The following ZBTB25 variants were observed in gnomAD, a reference collection of about 807,000 sequenced individuals.
ZBTB25 encodes the protein zinc finger and BTB domain containing 25, also known as zinc finger and BTB domain-containing protein 25.
In ZBTB25, 20 loss-of-function variants were observed where a neutral mutation model predicts 34.2. That is an observed-to-expected ratio of 0.58 (90% CI 0.41 to 0.85). The LOEUF (loss-of-function observed/expected upper bound fraction) is 0.85, where lower values mean the gene tolerates loss of function less well. Ranked by LOEUF, ZBTB25 falls within the 40% of genes least tolerant of loss-of-function variation. The pLI is 0.00. For synonymous variants in ZBTB25, 175 were observed against 186.4 expected (o/e 0.94, Z 0.50); for missense variants, 437 against 521.8 (o/e 0.84, Z 1.58).
intron 1 of ZBTB25, among the ~76,000 whole-genome samples, chr14:64,499,740 C>A (rs1311556762): frequency 2.0e-5 from 3 of 152,102 alleles, no homozygotes; most frequent in African/African-American, 7.2e-5. Context: ...TTTCATAACA[C>A]CTAAAAATGA....
At chr14:64,470,552 T>C (rs2078659018) in intron 2 of ZBTB25, 1 of 150,088 alleles carries the variant, frequency 6.7e-6, no homozygotes, top group Non-Finnish European at 1.5e-5. Flanking sequence ...ATTGCACCAC[T>C]GCACTCCAGT....
chr14:64,502,939 G>A (rs752466757), intron 1 of ZBTB25: 3 of 985,488 alleles, frequency 3.0e-6, no homozygotes, highest in African/African-American at 3.5e-5. Context: ...GCTCTGCCAG[G>A]ACTTGAGTCT....
Position 64,485,860 on chromosome 14 carries a change from A to G in ZBTB25, c.*1063T>C. 2.0e-6 allele frequency: 2 copies of G among 985,298 alleles called. No homozygotes were observed. The highest frequency in any genetic ancestry group is 2.4e-6 in the Non-Finnish European group (2 of 829,900). The allele number at this position is 985,298 out of a possible 1,614,324, so 61.0% of individuals were successfully genotyped here. Reference sequence around the variant, plus strand: ...TACTTTTTAAGGTGTCTAAGAAAACACTCTAGACCAAGTTAACAACCCTGG... The same window carrying G: ...TACTTTTTAAGGTGTCTAAGAAAACGCTCTAGACCAAGTTAACAACCCTGG... On this transcript the variant is annotated 3_prime_UTR_variant, in exon 3 of 3. Coordinates refer to ENST00000608382, the MANE Select transcript of ZBTB25 (RefSeq NM_006977.5).
chr14:64,502,992 G>A lies in ZBTB25; in HGVS notation c.-8+669C>T, dbSNP rs1029747583. ...AATTTAATCCCTTGGGGTGATGCGG[G>A]CGCTAACTGTTGAAACATGCTAGGT... On this transcript the variant is annotated intron_variant, in intron 1 of 2. Coordinates refer to ENST00000608382, the MANE Select transcript of ZBTB25 (RefSeq NM_006977.5). 9 of 985,308 alleles carry A rather than the reference G, an allele frequency of 9.1e-6. No individual in the cohort carries two copies. In the South Asian group the frequency reaches 1.4e-4, roughly 15 times the overall value. 61.0% of individuals were successfully genotyped at this position (985,308 alleles called of 1,614,324 possible).
At chr14:64,453,889 A>G (rs1330977860) in intron 2 of ZBTB25, 1 of 1,390,784 alleles carries the variant, frequency 7.2e-7, no homozygotes, top group East Asian at 2.3e-5. Flanking sequence ...TTGTCCTTTC[A>G]ACTCTTTGCA....
At chr14:64,498,944 T>A (rs920490853) in intron 1 of ZBTB25, among the ~76,000 whole-genome samples, 1 of 152,212 alleles carries the variant, frequency 6.6e-6, no homozygotes, top group Non-Finnish European at 1.5e-5. Context: ...CAGATTCTTT[T>A]TTTAAAAAGC....
chr14:64,487,602 G>A lies in ZBTB25; in HGVS notation c.629C>T (p.Pro210Leu). 1 of 1,606,572 alleles carries A rather than the reference G, an allele frequency of 6.2e-7. No homozygotes were observed. The change falls in exon 3 of 3, where the codon CCA becomes CTA. Residue 210 changes from proline (P) to leucine (L), a missense_variant. Physicochemically the swap from Pro to Leu is moderately conservative, Grantham distance 98 (BLOSUM62 -3). Transcript: ENST00000608382. ...GTGGCTCTGGGAGATCACAGATTCT[G>A]GGTCACATCTCTCCTGCTTGATGGA... is the stretch of plus-strand genomic sequence containing the variant. ...PVSIKQERCDPESVISQSHPS... is the reference protein window; with the variant it reads ...PVSIKQERCDLESVISQSHPS...
chr14:64,453,207 C>T (rs949127236), intron 2 of ZBTB25, among the ~76,000 whole-genome samples: 1 of 151,900 alleles, frequency 6.6e-6, no homozygotes, highest in Non-Finnish European at 1.5e-5. Flanking sequence ...TGTATATCTG[C>T]ATATATAGAT....
intron 1 of ZBTB25, among the ~76,000 whole-genome samples, chr14:64,501,159 C>G (rs1237598525): frequency 6.6e-6 from 1 of 152,200 alleles, no homozygotes; most frequent in Non-Finnish European, 1.5e-5. Context: ...TATCCCTAAG[C>G]AGGTTCAAGT....
At position 64,485,511 on chromosome 14, in the gene ZBTB25, C is replaced by G; in HGVS notation, c.*1412G>C. On this transcript the variant is annotated 3_prime_UTR_variant, in exon 3 of 3. Coordinates refer to ENST00000608382, the MANE Select transcript of ZBTB25 (RefSeq NM_006977.5). Reference sequence around the variant, plus strand: ...GAGCCGGGGAATCTGTTATTTCTTTCATCAACTTTAATTTTCCTGGGGTTT... The same window carrying G: ...GAGCCGGGGAATCTGTTATTTCTTTGATCAACTTTAATTTTCCTGGGGTTT... 1.0e-6 allele frequency: 1 copy of G among 985,328 alleles called. No homozygotes were observed. Among genetic ancestry groups the G allele is most frequent in the Non-Finnish European group, 1.2e-6 (1 of 829,890 alleles). 61.0% of individuals were successfully genotyped at this position (985,328 alleles called of 1,614,324 possible).
At chr14:64,493,858 A>G (rs1285106741) in intron 1 of ZBTB25, among the ~76,000 whole-genome samples, 1 of 144,142 alleles carries the variant, frequency 6.9e-6, no homozygotes, top group Non-Finnish European at 1.6e-5. Flanking sequence ...AAAAAAAAAA[A>G]GAAGAAGAAG....
intron 1 of ZBTB25, 50 bp from the exon 2 acceptor site, chr14:64,490,590 A>C (rs1344617719): frequency 2.1e-6 from 3 of 1,408,340 alleles, no homozygotes; most frequent in Non-Finnish European, 2.8e-6. Flanking sequence ...GTATATACGC[A>C]TTATTTTTTA....
chr14:64,503,189 G>C (rs891273481), intron 1 of ZBTB25: 29 of 985,334 alleles, frequency 2.9e-5, no homozygotes, highest in African/African-American at 8.7e-5. Flanking sequence ...GATAGAAAAG[G>C]GGGGGATGTC....
intron 1 of ZBTB25, chr14:64,503,353 C>A (rs1264568169): frequency 1.0e-6 from 1 of 984,468 alleles, no homozygotes; most frequent in South Asian, 4.7e-5. Context: ...GGGGGTCGCA[C>A]CCGGACCCGC....
chr14:64,466,937 A>T (rs1175565996), intron 2 of ZBTB25, among the ~76,000 whole-genome samples: 1 of 152,212 alleles, frequency 6.6e-6, no homozygotes, highest in Non-Finnish European at 1.5e-5. Context: ...TGCCAATTGC[A>T]TAGTTTGCCA....
chr14:64,450,906 C>T (rs1430832419), intron 2 of ZBTB25, among the ~76,000 whole-genome samples: 1 of 151,942 alleles, frequency 6.6e-6, no homozygotes, highest in Non-Finnish European at 1.5e-5. Context: ...AGTGGCTCAC[C>T]CCTGTAACCC....
intron 1 of ZBTB25, 197 bp downstream of exon 1, chr14:64,503,464 T>A (rs1168891250): frequency 1.0e-6 from 1 of 985,450 alleles, no homozygotes; most frequent in African/African-American, 1.7e-5. Context: ...CTGGGTATTG[T>A]CGGCCCAGCG....
Position 64,480,236 on chromosome 14 carries a change from T to C in ZBTB25, c.*6687A>G, listed in dbSNP as rs778623278. 5.4e-5 allele frequency: 15 copies of C among 276,766 alleles called. No individual in the cohort carries two copies. Among genetic ancestry groups the C allele is most frequent in the Admixed American group, 3.4e-4 (6 of 17,526 alleles). The allele number at this position is 276,766 out of a possible 1,614,324, so 17.1% of individuals were successfully genotyped here. ...TACTCGGGAGGCTGAGGCAGGAGAA[T>C]AGCTTGAACCTGGGATGTGAAGGTT... On this transcript the variant is annotated 3_prime_UTR_variant, in exon 3 of 3. Transcript: ENST00000608382.
At chr14:64,499,957 C>A (rs1288788336) in intron 1 of ZBTB25, among the ~76,000 whole-genome samples, 1 of 152,190 alleles carries the variant, frequency 6.6e-6, no homozygotes, top group Non-Finnish European at 1.5e-5. Context: ...ACATAGCCAA[C>A]CTCCAAGCAC....
Sources: allele counts gnomAD v4.1 joint callset (sites outside exome capture counted in the v4.1 genomes callset), GRCh38; gene constraint gnomAD v4.1.1; transcripts MANE v1.5; gene names NCBI Gene and HGNC (gene_info 2026-07-23, HGNC 2026-07-21).